PPP1R16A: variants seen among roughly 807,000 people sequenced by gnomAD.
PPP1R16A encodes myosin phosphatase-targeting subunit 3.
PPP1R16A carries 39 observed loss-of-function variants against 46.6 expected under a neutral mutation model. The observed-to-expected ratio is 0.84, with a 90% CI of 0.65 to 1.09. The LOEUF is 1.09. PPP1R16A is among the 50% of genes least tolerant of loss of function. The pLI is 0.00. For synonymous variants in PPP1R16A, 413 were observed against 321.5 expected (o/e 1.28, Z -3.04); for missense variants, 798 against 735.6 (o/e 1.08, Z -0.98).
chr8:144,493,753 C>T lies in PPP1R16A; in HGVS notation c.-734-2708C>T, dbSNP rs1302670279. On this transcript the variant is annotated intron_variant, in intron 2 of 11. Transcript: ENST00000435887. This position sits in a 1 kb window ranked among gnomAD's most constrained non-coding sequence, Gnocchi z 4.3. Reference sequence around the variant, plus strand: ...GGGCTCACTTTGGGTACCTCGTTTTCTCTTAGAGGAGGCAGTTGGACCCTC... The same window carrying T: ...GGGCTCACTTTGGGTACCTCGTTTTTTCTTAGAGGAGGCAGTTGGACCCTC... Among the ~76,000 whole-genome samples, 2 of 152,168 alleles carry T rather than the reference C, an allele frequency of 1.3e-5. No homozygotes were observed. Among genetic ancestry groups the T allele is most frequent in the East Asian group, 1.9e-4 (1 of 5,198 alleles).
At chr8:144,478,914 T>G (rs1825283663) in intron 1 of PPP1R16A, 1 of 152,288 alleles carries the variant, frequency 6.6e-6, no homozygotes, top group Non-Finnish European at 1.5e-5. Flanking sequence ...ACGGAGTCAT[T>G]CTAGGCTTAG....
At position 144,500,111 on chromosome 8, in the gene PPP1R16A, G is replaced by C. The variant is rs769521812; in HGVS notation, c.492G>C (p.Leu164=). 6.2e-7 allele frequency: 1 copy of C among 1,610,376 alleles called. No homozygotes were observed. The highest frequency in any genetic ancestry group is 1.1e-5 in the South Asian group (1 of 90,404). Residue 164 remains leucine (L), a synonymous_variant, in exon 6 of 12, where the codon CTG becomes CTC. Transcript: ENST00000435887. ...ELLIASGANL[L]AVNTDGNMPY... is the part of the protein sequence containing the mutation. The stretch of plus-strand genomic sequence containing the variant: ...TTCCCTGCAGTGGCGCCAATCTCCT[G>C]GCGGTCAACACCGACGGGAACATGC...
chr8:144,485,779 C>G (rs1025881338), intron 1 of PPP1R16A, among the ~76,000 whole-genome samples: 1 of 152,154 alleles, frequency 6.6e-6, no homozygotes, highest in African/African-American at 2.4e-5. Flanking sequence ...GAGCCCATGG[C>G]CAAGATGCAG....
intron 1 of PPP1R16A, among the ~76,000 whole-genome samples, chr8:144,481,702 G>A (rs1415401769): frequency 6.6e-6 from 1 of 152,220 alleles, no homozygotes. Context: ...TTTTGTGTCT[G>A]ATTTATTTTG....
rs1826510267 is a variant in PPP1R16A at position 144,501,797 on chromosome 8, A to G, written c.1481A>G (p.Gln494Arg). 1.9e-6 allele frequency: 3 copies of G among 1,557,468 alleles called. No homozygotes were observed. Among genetic ancestry groups the G allele is most frequent in the African/African-American group, 2.7e-5 (2 of 73,332 alleles). ...CTGCCTGGTGACACGGTGACCCCCC[A>G]GCCTGACTGTGGCTTCAGGGCAGGC... is the stretch of plus-strand genomic sequence containing the variant. The part of the protein sequence containing the change: ...PGLPGDTVTP[Q>R]PDCGFRAGGD... Residue 494 changes from glutamine to arginine, a missense_variant, in exon 12 of 12, where the codon CAG becomes CGG. Transcript: ENST00000435887.
chr8:144,487,443 C>T (rs1195550105), intron 1 of PPP1R16A, among the ~76,000 whole-genome samples: 1 of 152,044 alleles, frequency 6.6e-6, no homozygotes, highest in Non-Finnish European at 1.5e-5. Context: ...GATTTCGGCT[C>T]ACTGCAACCT....
Position 144,501,843 on chromosome 8 carries a change from G to A in PPP1R16A, c.1527G>A (p.Lys509=). The part of the protein sequence containing the change: ...FRAGGDPPLL[K]LTAPAVEAPV... Reference sequence around the variant, plus strand: ...CAGGCGGGGACCCACCCCTGCTCAAGCTCACAGCCCCGGCGGTGGAGGCTC... The same window carrying A: ...CAGGCGGGGACCCACCCCTGCTCAAACTCACAGCCCCGGCGGTGGAGGCTC... Residue 509 remains lysine (K), a synonymous_variant, in exon 12 of 12, where the codon AAG becomes AAA. Coordinates refer to ENST00000435887, the MANE Select transcript of PPP1R16A (RefSeq NM_001329443.2). 6.5e-7 allele frequency: 1 copy of A among 1,549,646 alleles called. No individual in the cohort carries two copies. The highest frequency in any genetic ancestry group is 8.7e-7 in the Non-Finnish European group (1 of 1,148,544).
Position 144,497,401 on chromosome 8 carries a change from C to G in PPP1R16A, c.207C>G (p.Phe69Leu). The change falls in exon 3 of 12, where the codon TTC becomes TTG. Residue 69 changes from phenylalanine (F) to leucine (L), a missense_variant. Coordinates refer to ENST00000435887, the MANE Select transcript of PPP1R16A (RefSeq NM_001329443.2). ...AAGGGCTCCTGAAGCAGGTCCTCTT[C>G]CCTCCCAGTGTTGTCCTTCTGGAGG... ...ASQGLLKQVL[F>L]PPSVVLLEAA... The G allele has an allele frequency of 1.2e-6, 2 of 1,613,084 alleles. No homozygotes were observed. The highest frequency in any genetic ancestry group is 1.7e-6 in the Non-Finnish European group (2 of 1,180,024).
Position 144,496,606 on chromosome 8 carries a change from G to A in PPP1R16A, c.-589G>A. 1 of 160,810 alleles carries A rather than the reference G, an allele frequency of 6.2e-6. No homozygotes were observed. Among genetic ancestry groups the A allele is most frequent in the Admixed American group, 5.7e-5 (1 of 17,576 alleles). 10.0% of individuals were successfully genotyped at this position (160,810 alleles called of 1,614,324 possible). A position where few individuals can be genotyped will look rare whatever the true frequency, so the allele number is the denominator to read the frequency against. On this transcript the variant is annotated 5_prime_UTR_variant, in exon 3 of 12. Coordinates refer to ENST00000435887, the MANE Select transcript of PPP1R16A (RefSeq NM_001329443.2). ...GACTCTGACTACCTGCCCTCCCCCA[G>A]CCTCAGCGGCTGCACCTCCTCGTTA...
At chr8:144,480,512 G>C (rs1825368096) in intron 1 of PPP1R16A, among the ~76,000 whole-genome samples, 1 of 148,694 alleles carries the variant, frequency 6.7e-6, no homozygotes, top group Admixed American at 6.7e-5. Context: ...TTTTGAGACA[G>C]AGTCTTGCTC....
intron 2 of PPP1R16A, chr8:144,496,198 C>T (rs1344920932): frequency 1.3e-5 from 2 of 152,322 alleles, no homozygotes; most frequent in Non-Finnish European, 2.9e-5. Flanking sequence ...GCGGCCCTTT[C>T]TGGAAAGGGT....
rs141554257 is a variant in PPP1R16A, at chr8:144,501,647, C to T, written c.1331C>T (p.Pro444Leu). ...YQLSPLDSTT[P>L]HTLVHDKAHH... is the part of the protein sequence containing the mutation. The stretch of plus-strand genomic sequence containing the variant: ...CTGAGCCCCCTGGACAGCACCACCC[C>T]CCACACCCTGGTCCACGACAAGGCC... The change falls in exon 12 of 12, where the codon CCC (proline) becomes CTC (leucine). Residue 444 changes from proline to leucine, a missense_variant. Physicochemically the swap from Pro to Leu is moderately conservative, Grantham distance 98. Transcript: ENST00000435887. 45 of 1,610,984 alleles carry T rather than the reference C, an allele frequency of 2.8e-5. No homozygotes were observed. Among genetic ancestry groups the T allele is most frequent in the Non-Finnish European group, 3.6e-5 (42 of 1,179,124 alleles).
chr8:144,481,276 A>G (rs1825411943), intron 1 of PPP1R16A, among the ~76,000 whole-genome samples: 1 of 152,132 alleles, frequency 6.6e-6, no homozygotes, highest in South Asian at 2.1e-4. Flanking sequence ...CCTCTGTGGT[A>G]AGCCCTTCCT....
chr8:144,481,052 C>G (rs1270488191), intron 1 of PPP1R16A, among the ~76,000 whole-genome samples: 1 of 151,584 alleles, frequency 6.6e-6, no homozygotes, highest in Non-Finnish European at 1.5e-5. Flanking sequence ...CCACGCCCGG[C>G]TAATTTTTTG....
At chr8:144,483,033 T>C (rs1177884523) in intron 1 of PPP1R16A, among the ~76,000 whole-genome samples, 1 of 151,102 alleles carries the variant, frequency 6.6e-6, no homozygotes, top group Non-Finnish European at 1.5e-5. Context: ...TCCGCCCCCC[T>C]CAACTCCCAA....
At chr8:144,497,522 A>T in intron 3 of PPP1R16A, 69 bp downstream of exon 3, 1 of 1,597,270 alleles carries the variant, frequency 6.3e-7, no homozygotes, top group Non-Finnish European at 8.5e-7. Context: ...GTGCCGTCTC[A>T]TGCCAAGGCT....
chr8:144,482,109 A>T (rs533105343), intron 1 of PPP1R16A, among the ~76,000 whole-genome samples: 48 of 150,766 alleles, frequency 3.2e-4, no homozygotes, highest in Admixed American at 3.2e-3. Flanking sequence ...TTTTTTTGAG[A>T]TGGAGTCTTG....
chr8:144,500,413 G>T (rs1396387790), intron 7 of PPP1R16A, 22 bp downstream of exon 7: 2 of 1,517,964 alleles, frequency 1.3e-6, no homozygotes, highest in Non-Finnish European at 8.8e-7. Flanking sequence ...GGGGTGAGGG[G>T]CACACGGGGC....
At position 144,500,682 on chromosome 8, in the gene PPP1R16A, A is replaced by C; in HGVS notation, c.832-4A>C. ...AGTCTGCAGCTCCGGCCTGCCGTCCACAGGTGCCCCTGGTGGAGCTGCTCG... is the reference window on the plus strand; with the variant it reads ...AGTCTGCAGCTCCGGCCTGCCGTCCCCAGGTGCCCCTGGTGGAGCTGCTCG... On this transcript the variant is annotated splice_region_variant and splice_polypyrimidine_tract_variant and intron_variant, in intron 8 of 11. Coordinates refer to ENST00000435887, the MANE Select transcript of PPP1R16A (RefSeq NM_001329443.2). The C allele has an allele frequency of 1.2e-6, 2 of 1,610,300 alleles. No individual in the cohort carries two copies. The highest frequency in any genetic ancestry group is 1.3e-5 in the African/African-American group (1 of 75,004).
Sources: allele counts gnomAD v4.1 joint callset (sites outside exome capture counted in the v4.1 genomes callset), GRCh38; gene constraint gnomAD v4.1.1; non-coding constraint Gnocchi (gnomAD v3.1); transcripts MANE v1.5; gene names NCBI Gene and HGNC (gene_info 2026-07-23, HGNC 2026-07-21).